CFAP100: variants seen among roughly 807,000 people sequenced by gnomAD.
CFAP100 encodes the protein cilia- and flagella-associated protein 100.
In CFAP100, 70 loss-of-function variants were observed where a neutral mutation model predicts 81.5. The ratio of observed to expected loss-of-function variants is 0.86; its 90% CI spans 0.71 to 1.05. The LOEUF (loss-of-function observed/expected upper bound fraction) is 1.05. Among genes scored for constraint, CFAP100 ranks in the 50% least tolerant of loss-of-function variants. CFAP100 has a pLI of 0.00. For missense variants in CFAP100, 811 were observed against 776.5 expected (o/e 1.04, Z -0.53); for synonymous variants, 341 against 314.8 (o/e 1.08, Z -0.88).
intron 13 of CFAP100, among the ~76,000 whole-genome samples, chr3:126,431,965 C>T (rs923069054): frequency 1.3e-5 from 2 of 152,160 alleles, no homozygotes; most frequent in African/African-American, 4.8e-5. Context: ...CCTTGTGCAT[C>T]TGTTTCTTAT....
intron 2 of CFAP100, among the ~76,000 whole-genome samples, chr3:126,398,976 C>T (rs1396306572): frequency 2.0e-5 from 3 of 152,238 alleles, no homozygotes; most frequent in Non-Finnish European, 4.4e-5. Context: ...GCCTGGTTCA[C>T]TCCCACTCAG....
chr3:126,424,560 G>A (rs1347264570), intron 13 of CFAP100, among the ~76,000 whole-genome samples: 3 of 152,258 alleles, frequency 2.0e-5, no homozygotes, highest in Non-Finnish European at 4.4e-5. Context: ...AGGCACTGGT[G>A]AGGCATGTCC....
chr3:126,430,450 A>G (rs13094771), intron 13 of CFAP100, among the ~76,000 whole-genome samples: 48,273 of 151,986 alleles, frequency 0.32, 7,683 homozygotes, highest in East Asian at 0.36. Flanking sequence ...TTATATGAAT[A>G]TATTACCACA....
chr3:126,426,803 T>C (rs149632073), intron 13 of CFAP100, among the ~76,000 whole-genome samples: 3 of 152,292 alleles, frequency 2.0e-5, no homozygotes, highest in African/African-American at 4.8e-5. Flanking sequence ...TAAGCTGTTA[T>C]AGCAAGAAGC....
chr3:126,425,295 A>T (rs1206214623), intron 13 of CFAP100, among the ~76,000 whole-genome samples: 1 of 152,266 alleles, frequency 6.6e-6, no homozygotes, highest in Non-Finnish European at 1.5e-5. Flanking sequence ...GCCCATGTGT[A>T]TTTAACTTCC....
At chr3:126,395,035 G>T in intron 1 of CFAP100, 57 bp downstream of exon 1, 1 of 152,722 alleles carries the variant, frequency 6.5e-6, no homozygotes, top group South Asian at 1.9e-4. Context: ...AGGGCGCGTG[G>T]GGGCGGCGGC....
Position 126,436,181 on chromosome 3 carries a change from T to C in CFAP100, c.1723-110T>C. 5 of 721,720 alleles carry C rather than the reference T, an allele frequency of 6.9e-6. No homozygotes were observed. In the South Asian group the frequency reaches 8.5e-5, roughly 12 times the overall value. 44.7% of individuals were successfully genotyped at this position (721,720 alleles called of 1,614,324 possible). A position where few individuals can be genotyped will look rare whatever the true frequency, so the allele number is the denominator to read the frequency against. On this transcript the variant is annotated intron_variant, in intron 16 of 16. Coordinates refer to ENST00000352312, the MANE Select transcript of CFAP100 (RefSeq NM_182628.3). ...CCTCAGCCTGCAGGGCTGACCAGAGTGGCCTGGAGGTGACTGGAGCTGCTG... is the reference window on the plus strand; with the variant it reads ...CCTCAGCCTGCAGGGCTGACCAGAGCGGCCTGGAGGTGACTGGAGCTGCTG...
In CFAP100 at chr3:126,422,954, G is replaced by A. The variant is rs561484767; in HGVS notation, c.1083-371G>A. Among the ~76,000 whole-genome samples, 13 of 152,330 alleles carry A rather than the reference G, an allele frequency of 8.5e-5. No homozygotes were observed. In the South Asian group the frequency reaches 2.3e-3, roughly 27 times the overall value. On this transcript the variant is annotated intron_variant, in intron 11 of 16. Transcript: ENST00000352312. ...CTGGGGAAGGGGAGGCAAGGTGAGT[G>A]CTGGGAGGGCTGCCTGGCATGACCC...
chr3:126,429,622 G>GTTTT lies in CFAP100; in HGVS notation c.1287-3439_1287-3436dup, dbSNP rs56249367. 9.0e-4 allele frequency among the ~76,000 whole-genome samples: 131 copies of GTTTT among 145,684 alleles called. 1 individual carries two copies. Among genetic ancestry groups the GTTTT allele is most frequent in the African/African-American group, 2.9e-3 (117 of 40,072 alleles). ...TTATCTTCTTTTGTATCTACTGTAG[G>GTTTT]TTTTTTTTTTTGTACTTACCATGAA... On this transcript the variant is annotated intron_variant, in intron 13 of 16. Transcript: ENST00000352312.
intron 13 of CFAP100, among the ~76,000 whole-genome samples, chr3:126,428,172 C>T (rs1371894942): frequency 6.6e-6 from 1 of 152,166 alleles, no homozygotes; most frequent in Non-Finnish European, 1.5e-5. Context: ...GAATATTTTT[C>T]AGTGCTAAAA....
At chr3:126,410,856 C>G (rs1652362780) in intron 3 of CFAP100, among the ~76,000 whole-genome samples, 1 of 152,240 alleles carries the variant, frequency 6.6e-6, no homozygotes, top group African/African-American at 2.4e-5. Flanking sequence ...TGTGACAAAT[C>G]ACCACAAACT....
chr3:126,399,942 G>C (rs142080074), intron 2 of CFAP100, among the ~76,000 whole-genome samples: 1 of 152,290 alleles, frequency 6.6e-6, no homozygotes, highest in African/African-American at 2.4e-5. Context: ...TGGGCTGTGT[G>C]TTTGATTGCT....
chr3:126,436,409 C>T lies in CFAP100; in HGVS notation c.*5C>T, dbSNP rs372126536. On this transcript the variant is annotated 3_prime_UTR_variant, in exon 17 of 17. Transcript: ENST00000352312. ...CTGCTATTTTTCTTTACTTAATCTTCGCAGACCATAGCTGTTCTGGCTGAA... is the reference window on the plus strand; with the variant it reads ...CTGCTATTTTTCTTTACTTAATCTTTGCAGACCATAGCTGTTCTGGCTGAA... The T allele has an allele frequency of 1.1e-5, 17 of 1,604,122 alleles. No individual in the cohort carries two copies. Among genetic ancestry groups the T allele is most frequent in the East Asian group, 6.7e-5 (3 of 44,824 alleles).
intron 16 of CFAP100, 108 bp from the exon 17 acceptor site, chr3:126,436,183 G>C (rs1933438830): frequency 2.6e-6 from 2 of 757,628 alleles, no homozygotes; most frequent in Admixed American, 4.4e-5. Context: ...GACCAGAGTG[G>C]CCTGGAGGTG....
chr3:126,406,623 G>A (rs62264677), intron 2 of CFAP100, among the ~76,000 whole-genome samples: 12,575 of 152,276 alleles, frequency 0.083, 738 homozygotes, highest in African/African-American at 0.16. Context: ...CACCCCGGGC[G>A]GGAAGGAGAC....
intron 2 of CFAP100, among the ~76,000 whole-genome samples, chr3:126,398,851 G>A (rs2082928950): frequency 6.6e-6 from 1 of 152,202 alleles, no homozygotes; most frequent in Admixed American, 6.5e-5. Flanking sequence ...GTGCTGGGCT[G>A]GGGCACAGAG....
At chr3:126,435,070 C>A (rs895550962) in intron 15 of CFAP100, among the ~76,000 whole-genome samples, 4 of 152,136 alleles carry the variant, frequency 2.6e-5, no homozygotes, top group Non-Finnish European at 4.4e-5. Flanking sequence ...TCCATCCGTC[C>A]CCCCAAGCAC....
chr3:126,400,701 A>G (rs371654555), intron 2 of CFAP100, among the ~76,000 whole-genome samples: 44 of 152,102 alleles, frequency 2.9e-4, no homozygotes, highest in Admixed American at 1.4e-3. Flanking sequence ...GCAGTGAGCC[A>G]AGATTGCGCC....
At chr3:126,435,950 C>T (rs984521868) in intron 16 of CFAP100, among the ~76,000 whole-genome samples, 2 of 152,192 alleles carry the variant, frequency 1.3e-5, no homozygotes, top group East Asian at 3.9e-4. Context: ...ACCCACACTC[C>T]GGCCAGACCC....
Sources: gnomAD v4.1 joint callset for allele counts (sites outside exome capture counted in the v4.1 genomes callset) on GRCh38, gnomAD v4.1.1 for gene constraint, MANE v1.5 for transcripts, NCBI Gene and HGNC (gene_info 2026-07-23, HGNC 2026-07-21) for gene names.